The following GCNT2 variants were observed in gnomAD, a reference collection of about 807,000 sequenced individuals.
The protein encoded by GCNT2 is glucosaminyl (N-acetyl) transferase 2 (I blood group), also known as N-acetyllactosaminide beta-1,6-N-acetylglucosaminyl-transferase.
Under a neutral mutation model 34.2 loss-of-function variants are expected in GCNT2, and 34 were observed. The ratio of observed to expected loss-of-function variants is 1.00; its 90% CI spans 0.76 to 1.32. GCNT2 has a LOEUF of 1.32. Among genes scored for constraint, GCNT2 ranks in the 40% most tolerant of loss-of-function variants. The probability of loss-of-function intolerance (pLI) is 0.00; values close to 1 mark genes in which losing one functional copy is unlikely to be tolerated. For synonymous variants in GCNT2, 212 were observed against 188.0 expected (o/e 1.13, Z -1.04); for missense variants, 584 against 489.4 (o/e 1.19, Z -1.82).
rs747151417 is a variant in GCNT2 at position 10,528,869 on chromosome 6, C to T, written c.-43C>T. ...AAGTTAAATATATCTACACTCTGAT[C>T]CTATCTCAAGAGAGAGATATTTTAC... On this transcript the variant is annotated 5_prime_UTR_variant, in exon 3 of 5. Transcript: ENST00000495262. 7.1e-7 allele frequency: 1 copy of T among 1,405,398 alleles called. No homozygotes were observed. Among genetic ancestry groups the T allele is most frequent in the East Asian group, 2.3e-5 (1 of 43,926 alleles). 87.1% of individuals were successfully genotyped at this position (1,405,398 alleles called of 1,614,324 possible). A position where few individuals can be genotyped will look rare whatever the true frequency, so the allele number is the denominator to read the frequency against.
At chr6:10,579,815 CAAAAAACAAACAAAAAAAAAAAAAAAA>C (rs1370156994) in intron 3 of GCNT2, among the ~76,000 whole-genome samples, 3 of 30,210 alleles carry the variant, frequency 9.9e-5, no homozygotes, top group Non-Finnish European at 1.4e-4. Flanking sequence ...GACTCCATCT[CAAAAAACAAACAAAAAAAAAAAAAAAA>C]AAAAAACAAG....
chr6:10,590,761 C>G (rs1251052595), intron 3 of GCNT2, among the ~76,000 whole-genome samples: 1 of 152,134 alleles, frequency 6.6e-6, no homozygotes, highest in Non-Finnish European at 1.5e-5. Context: ...ACCATGTTGA[C>G]CAAGATGGTC....
At chr6:10,547,959 G>C (rs1429466513) in intron 3 of GCNT2, among the ~76,000 whole-genome samples, 1 of 152,196 alleles carries the variant, frequency 6.6e-6, no homozygotes, top group African/African-American at 2.4e-5. Context: ...AAGCTGGCTT[G>C]TGTGTTCTTT....
chr6:10,600,382 T>C (rs1417569898), intron 3 of GCNT2, among the ~76,000 whole-genome samples: 1 of 152,252 alleles, frequency 6.6e-6, no homozygotes, highest in Non-Finnish European at 1.5e-5. Flanking sequence ...GTTGTTGATT[T>C]TGAAGCAGCT....
intron 4 of GCNT2, among the ~76,000 whole-genome samples, chr6:10,625,014 G>A (rs1766196919): frequency 6.6e-6 from 1 of 152,128 alleles, no homozygotes; most frequent in Non-Finnish European, 1.5e-5. Flanking sequence ...CTTAAGGCCT[G>A]TGTTTTTGGT....
chr6:10,567,315 G>T (rs1166750067), intron 3 of GCNT2, among the ~76,000 whole-genome samples: 1 of 152,068 alleles, frequency 6.6e-6, no homozygotes, highest in Non-Finnish European at 1.5e-5. Flanking sequence ...AAATCAGCTG[G>T]GCATGGTGGC....
chr6:10,573,336 C>T, intron 3 of GCNT2: 1 of 945,726 alleles, frequency 1.1e-6, no homozygotes, highest in Admixed American at 7.9e-5. Context: ...ATAAAGTTTT[C>T]ATTTGTGGGT....
chr6:10,546,219 C>T (rs1442226145), intron 3 of GCNT2, among the ~76,000 whole-genome samples: 1 of 152,172 alleles, frequency 6.6e-6, no homozygotes, highest in Non-Finnish European at 1.5e-5. Flanking sequence ...ATACCTCTGG[C>T]TGAGAGCAGC....
intron 3 of GCNT2, among the ~76,000 whole-genome samples, chr6:10,608,895 C>T (rs1420899679): frequency 2.0e-5 from 3 of 152,174 alleles, no homozygotes; most frequent in Non-Finnish European, 4.4e-5. Flanking sequence ...GTGTTGCAAA[C>T]TACATGTCAA....
chr6:10,588,605 A>C (rs1301439182), intron 3 of GCNT2, among the ~76,000 whole-genome samples: 2 of 152,230 alleles, frequency 1.3e-5, no homozygotes, highest in Non-Finnish European at 2.9e-5. Context: ...AATTTCCTGC[A>C]GAATCCCGAA....
At chr6:10,614,651 AAAG>A (rs1350711486) in intron 3 of GCNT2, among the ~76,000 whole-genome samples, 3 of 150,212 alleles carry the variant, frequency 2.0e-5, no homozygotes, top group Non-Finnish European at 3.0e-5. Flanking sequence ...AAAAAGAGAA[AAAG>A]AAGAAAGGTA....
intron 3 of GCNT2, among the ~76,000 whole-genome samples, chr6:10,616,102 G>C (rs76427787): frequency 2.0e-5 from 3 of 152,180 alleles, no homozygotes; most frequent in African/African-American, 4.8e-5. Context: ...TCTAATGTTT[G>C]GATGTGTTCA....
intron 3 of GCNT2, among the ~76,000 whole-genome samples, chr6:10,599,129 T>A (rs1041692907): frequency 1.3e-5 from 2 of 152,158 alleles, no homozygotes; most frequent in African/African-American, 4.8e-5. Flanking sequence ...CAGCTTGAAT[T>A]CCCTCCGTCC....
rs774740944 is a variant in GCNT2, at chr6:10,621,431, G to A, written c.1006G>A (p.Gly336Arg). The A allele has an allele frequency of 1.6e-5, 26 of 1,609,296 alleles. No homozygotes were observed. The highest frequency in any genetic ancestry group is 6.7e-5 in the East Asian group (3 of 44,850). The change falls in exon 4 of 5, where the codon GGA becomes AGA. Residue 336 changes from glycine (G) to arginine (R), a missense_variant. Gly to Arg is a moderately radical substitution (Grantham distance 125). Coordinates refer to ENST00000495262, the MANE Select transcript of GCNT2 (RefSeq NM_145649.5). The part of the protein sequence containing the change: ...IKWSDMEDRH[G>R]GCHGHYVHGI... Reference sequence around the variant, plus strand: ...GTGGAGTGACATGGAAGACAGACACGGAGGCTGCCACGGTGAGGCTCTCGT... The same window carrying A: ...GTGGAGTGACATGGAAGACAGACACAGAGGCTGCCACGGTGAGGCTCTCGT...
chr6:10,604,421 A>G (rs1765221167), intron 3 of GCNT2, among the ~76,000 whole-genome samples: 1 of 152,228 alleles, frequency 6.6e-6, no homozygotes, highest in African/African-American at 2.4e-5. Flanking sequence ...GAGTTGGAAA[A>G]TAAACAATTG....
intron 3 of GCNT2, among the ~76,000 whole-genome samples, chr6:10,574,363 A>T (rs898094077): frequency 6.6e-6 from 1 of 152,166 alleles, no homozygotes; most frequent in East Asian, 1.9e-4. Flanking sequence ...GGTAGTTTCT[A>T]TTACCTTCAT....
At chr6:10,611,051 A>G (rs1050302755) in intron 3 of GCNT2, among the ~76,000 whole-genome samples, 8 of 152,150 alleles carry the variant, frequency 5.3e-5, no homozygotes, top group Admixed American at 2.0e-4. Context: ...CATCCACATC[A>G]AACAAAACAG....
intron 3 of GCNT2, chr6:10,619,651 G>A (rs956677710): frequency 4.6e-5 from 7 of 152,214 alleles, no homozygotes; most frequent in African/African-American, 9.7e-5. Flanking sequence ...ACTGTACACA[G>A]CCCTTGAGTC....
At chr6:10,580,023 T>C (rs542098801) in intron 3 of GCNT2, among the ~76,000 whole-genome samples, 2 of 152,120 alleles carry the variant, frequency 1.3e-5, no homozygotes, top group Non-Finnish European at 2.9e-5. Flanking sequence ...TGCTTAGCTA[T>C]AAGAACATTT....
Sources: gnomAD v4.1 joint callset for allele counts (sites outside exome capture counted in the v4.1 genomes callset) on GRCh38, gnomAD v4.1.1 for gene constraint, MANE v1.5 for transcripts, NCBI Gene and HGNC (gene_info 2026-07-23, HGNC 2026-07-21) for gene names.